The following THSD7A variants were observed in gnomAD, a reference collection of about 807,000 sequenced individuals.
THSD7A encodes the protein thrombospondin type 1 domain containing 7A.
THSD7A carries 96 observed loss-of-function variants against 231.3 expected under a neutral mutation model. The ratio of observed to expected loss-of-function variants is 0.41; its 90% CI spans 0.35 to 0.49. The LOEUF is 0.49. Among genes scored for constraint, THSD7A ranks in the 20% least tolerant of loss-of-function variants. The pLI, the probability that THSD7A is intolerant of heterozygous loss-of-function variation, is 0.05. For synonymous variants in THSD7A, 940 were observed against 743.3 expected (o/e 1.26, Z -4.30); for missense variants, 2,290 against 2,070.2 (o/e 1.11, Z -2.06).
chr7:11,669,018 C>A (rs1015671904), intron 1 of THSD7A, among the ~76,000 whole-genome samples: 1 of 152,068 alleles, frequency 6.6e-6, no homozygotes, highest in African/African-American at 2.4e-5. Context: ...AGCATTTTTG[C>A]CTACAGAGTC....
chr7:11,594,142 G>T lies in THSD7A; in HGVS notation c.1023-640C>A, dbSNP rs573435129. Among the ~76,000 whole-genome samples, 4 of 152,210 alleles carry T rather than the reference G, an allele frequency of 2.6e-5. 1 individual carries two copies. The highest frequency in any genetic ancestry group is 9.6e-5 in the African/African-American group (4 of 41,516). On this transcript the variant is annotated intron_variant, in intron 2 of 27. Coordinates refer to ENST00000423059, the MANE Select transcript of THSD7A (RefSeq NM_015204.3). ...ACCTCTCAACCTACATCTTTCTCCC[G>T]TGCTAGATGCTTCCTGCCCTCGAAC...
At chr7:11,619,474 T>A (rs1480636130) in intron 2 of THSD7A, among the ~76,000 whole-genome samples, 1 of 151,020 alleles carries the variant, frequency 6.6e-6, no homozygotes, top group Non-Finnish European at 1.5e-5. Context: ...TGCGGTGGAA[T>A]CATAGTTCAC....
chr7:11,522,639 G>C (rs942408220), intron 6 of THSD7A, among the ~76,000 whole-genome samples: 2 of 151,512 alleles, frequency 1.3e-5, no homozygotes, highest in Non-Finnish European at 1.5e-5. Flanking sequence ...GGTAAAATAA[G>C]AATCAGTTTA....
chr7:11,829,064 T>G (rs1221772833), intron 1 of THSD7A, among the ~76,000 whole-genome samples: 2 of 152,070 alleles, frequency 1.3e-5, no homozygotes, highest in East Asian at 3.9e-4. Flanking sequence ...CTAGCTTACT[T>G]TATTGTAACA....
At chr7:11,544,758 C>T (rs1789304807) in intron 4 of THSD7A, among the ~76,000 whole-genome samples, 1 of 152,062 alleles carries the variant, frequency 6.6e-6, no homozygotes, top group Admixed American at 6.6e-5. Flanking sequence ...AATTTTATGT[C>T]TGCTTTTCTC....
rs749043973 is a variant in THSD7A, at chr7:11,831,781, G to A, written c.166C>T (p.Pro56Ser). Reference protein sequence around the residue: ...RAAAQGEAEAPTLYLWKTGPW... With the variant: ...RAAAQGEAEASTLYLWKTGPW... ...CCAGTCTTCCACAGATAGAGGGTGG[G>A]CGCCTCCGCCTCGCCCTGCGCCGCA... Residue 56 changes from proline to serine, a missense_variant, in exon 1 of 28, where the codon CCC becomes TCC. Physicochemically the swap from Pro to Ser is moderately conservative, Grantham distance 74. Transcript: ENST00000423059. This position sits in a 1 kb window ranked among gnomAD's most constrained non-coding sequence, Gnocchi z 5.0. 4 of 1,479,774 alleles carry A rather than the reference G, an allele frequency of 2.7e-6. No individual in the cohort carries two copies. The South Asian group carries it at 5.5e-5, about 21-fold the overall frequency. The allele number at this position is 1,479,774 out of a possible 1,614,324, so 91.7% of individuals were successfully genotyped here. A position where few individuals can be genotyped will look rare whatever the true frequency, so the allele number is the denominator to read the frequency against.
intron 4 of THSD7A, among the ~76,000 whole-genome samples, chr7:11,574,030 A>G (rs913111490): frequency 6.6e-6 from 1 of 152,176 alleles, no homozygotes; most frequent in African/African-American, 2.4e-5. Flanking sequence ...TGAAGGAAAA[A>G]CAAGCATACC....
At chr7:11,644,065 C>T (rs1635182) in intron 1 of THSD7A, among the ~76,000 whole-genome samples, 20,875 of 149,890 alleles carry the variant, frequency 0.14, 1,673 homozygotes, top group Admixed American at 0.2. Flanking sequence ...AAAAAAAAAC[C>T]TTAATTCCTT....
intron 4 of THSD7A, among the ~76,000 whole-genome samples, chr7:11,571,638 A>C (rs1344851378): frequency 6.6e-6 from 1 of 152,164 alleles, no homozygotes; most frequent in African/African-American, 2.4e-5. Flanking sequence ...CTCAGTTACC[A>C]TTTCTCTGAA....
intron 1 of THSD7A, among the ~76,000 whole-genome samples, chr7:11,766,633 A>T (rs1188722713): frequency 6.6e-6 from 1 of 152,220 alleles, no homozygotes; most frequent in Admixed American, 6.5e-5. Flanking sequence ...AGCAAAATAT[A>T]TTCTGATATT....
chr7:11,794,900 A>G (rs1405976723), intron 1 of THSD7A, among the ~76,000 whole-genome samples: 4 of 152,020 alleles, frequency 2.6e-5, no homozygotes, highest in Non-Finnish European at 4.4e-5. Context: ...CACAGATGGA[A>G]TAGAAACAGG....
chr7:11,624,685 A>AT (rs1205690576), intron 2 of THSD7A, among the ~76,000 whole-genome samples: 1 of 152,038 alleles, frequency 6.6e-6, no homozygotes, highest in African/African-American at 2.4e-5. Flanking sequence ...TCAATGATTT[A>AT]TTTTTTACCA....
chr7:11,475,516 G>T (rs1423137585), intron 7 of THSD7A, among the ~76,000 whole-genome samples: 8 of 150,844 alleles, frequency 5.3e-5, no homozygotes, highest in African/African-American at 1.9e-4. Flanking sequence ...GGGAGAATGG[G>T]GAAGTGATGG....
chr7:11,763,995 ATAT>A (rs1355650485), intron 1 of THSD7A, among the ~76,000 whole-genome samples: 5 of 152,234 alleles, frequency 3.3e-5, no homozygotes, highest in Admixed American at 6.5e-5. Context: ...GCTATCCATT[ATAT>A]TATTAAGTTG....
In THSD7A at chr7:11,755,498, G is replaced by C. The variant is rs1200784247; in HGVS notation, c.190+76259C>G. On this transcript the variant is annotated intron_variant, in intron 1 of 27. Coordinates refer to ENST00000423059, the MANE Select transcript of THSD7A (RefSeq NM_015204.3). The stretch of plus-strand genomic sequence containing the variant: ...TATGAAAGCCAAAAGGGAAGGCTTG[G>C]AAAGTCAGGGAAGGCCTTCAGACCC... Among the ~76,000 whole-genome samples, 5 of 152,166 alleles carry C rather than the reference G, an allele frequency of 3.3e-5. No individual in the cohort carries two copies. The East Asian group carries it at 9.7e-4, about 30-fold the overall frequency.
At chr7:11,543,647 C>G (rs1789247559) in intron 4 of THSD7A, among the ~76,000 whole-genome samples, 1 of 152,174 alleles carries the variant, frequency 6.6e-6, no homozygotes, top group Admixed American at 6.5e-5. Flanking sequence ...TCTGTACCCC[C>G]CAGCTACAGT....
intron 4 of THSD7A, among the ~76,000 whole-genome samples, chr7:11,569,638 C>T (rs940837934): frequency 2.6e-5 from 4 of 152,150 alleles, no homozygotes; most frequent in Admixed American, 1.3e-4. Flanking sequence ...TTACAAACAA[C>T]TACCATACAA....
intron 1 of THSD7A, among the ~76,000 whole-genome samples, chr7:11,802,682 G>C (rs1048493691): frequency 6.6e-6 from 1 of 152,124 alleles, no homozygotes; most frequent in South Asian, 2.1e-4. Flanking sequence ...TGAGGATATG[G>C]AAGTAACTAA....
intron 1 of THSD7A, among the ~76,000 whole-genome samples, chr7:11,780,219 C>G (rs1191377310): frequency 2.6e-5 from 4 of 152,188 alleles, no homozygotes; most frequent in Non-Finnish European, 5.9e-5. Context: ...ATCTCATGAT[C>G]TGATTTCCTC....
Sources: allele counts gnomAD v4.1 joint callset (sites outside exome capture counted in the v4.1 genomes callset), GRCh38; gene constraint gnomAD v4.1.1; non-coding constraint Gnocchi (gnomAD v3.1); transcripts MANE v1.5; gene names NCBI Gene and HGNC (gene_info 2026-07-23, HGNC 2026-07-21).